LRMDA: variants seen among roughly 807,000 people sequenced by gnomAD.
LRMDA encodes leucine rich melanocyte differentiation associated.
Under a neutral mutation model 29.8 loss-of-function variants are expected in LRMDA, and 18 were observed. That is an observed-to-expected ratio of 0.60 (90% CI 0.42 to 0.90). The LOEUF (loss-of-function observed/expected upper bound fraction) is 0.90, where lower values mean the gene tolerates loss of function less well. Ranked by LOEUF, LRMDA falls within the 40% of genes least tolerant of loss-of-function variation. The pLI is 0.00. For missense variants in LRMDA, 273 were observed against 273.9 expected, an observed-to-expected ratio of 1.00 and a Z score of 0.02; for synonymous variants, 125 against 109.4, an observed-to-expected ratio of 1.14 and a Z score of -0.89.
At chr10:75,500,291 T>C (rs1331157342) in intron 2 of LRMDA, among the ~76,000 whole-genome samples, 1 of 152,152 alleles carries the variant, frequency 6.6e-6, no homozygotes, top group Admixed American at 6.5e-5. Flanking sequence ...ACCACTAAGA[T>C]AAATTGTGGG....
In LRMDA at chr10:75,973,069, G is replaced by A. The variant is rs539875479; in HGVS notation, c.132-62939G>A. On this transcript the variant is annotated intron_variant, in intron 2 of 6. Transcript: ENST00000611255. Reference sequence around the variant, plus strand: ...AGCAGCAGCAGCAGCAGCAGCAGCAGCAGCTACTCCTGTTTACGTGTTCTT... The same window carrying A: ...AGCAGCAGCAGCAGCAGCAGCAGCAACAGCTACTCCTGTTTACGTGTTCTT... Among the ~76,000 whole-genome samples, 20 of 149,710 alleles carry A rather than the reference G, an allele frequency of 1.3e-4. No individual in the cohort carries two copies. In the East Asian group the frequency reaches 3.8e-3, roughly 28 times the overall value.
chr10:75,648,210 C>A (rs1841552607), intron 2 of LRMDA, among the ~76,000 whole-genome samples: 1 of 152,140 alleles, frequency 6.6e-6, no homozygotes, highest in Non-Finnish European at 1.5e-5. Flanking sequence ...ATGAGGATAA[C>A]AAGGCTGAAT....
At chr10:75,547,614 A>G (rs1367486962) in intron 2 of LRMDA, among the ~76,000 whole-genome samples, 1 of 152,188 alleles carries the variant, frequency 6.6e-6, no homozygotes, top group East Asian at 1.9e-4. Context: ...TTACTGCCCC[A>G]TCTGAGTTTC....
chr10:75,470,069 C>T (rs1420194596), intron 2 of LRMDA, among the ~76,000 whole-genome samples: 1 of 152,240 alleles, frequency 6.6e-6, no homozygotes, highest in East Asian at 1.9e-4. Context: ...CAAGACTCTA[C>T]TACCTTCCTG....
At chr10:75,532,735 A>G (rs1284313502) in intron 2 of LRMDA, among the ~76,000 whole-genome samples, 1 of 152,140 alleles carries the variant, frequency 6.6e-6, no homozygotes, top group Non-Finnish European at 1.5e-5. Context: ...TGCATCACTC[A>G]GATCCACTTT....
intron 5 of LRMDA, among the ~76,000 whole-genome samples, chr10:76,279,268 G>C (rs1337428798): frequency 6.6e-6 from 1 of 152,118 alleles, no homozygotes; most frequent in African/African-American, 2.4e-5. Context: ...CTGTGATTTG[G>C]AGATAATAAG....
chr10:76,179,260 A>G (rs1421894693), intron 5 of LRMDA, among the ~76,000 whole-genome samples: 1 of 152,104 alleles, frequency 6.6e-6, no homozygotes, highest in Non-Finnish European at 1.5e-5. Flanking sequence ...GGAGGAGTAG[A>G]GGACATTTCC....
chr10:76,367,252 G>A (rs1046511540), intron 6 of LRMDA, among the ~76,000 whole-genome samples: 3 of 152,086 alleles, frequency 2.0e-5, no homozygotes, highest in Non-Finnish European at 2.9e-5. Flanking sequence ...TGGTATTAGG[G>A]TGATGCTGGA....
At chr10:76,269,880 A>G (rs1840046798) in intron 5 of LRMDA, among the ~76,000 whole-genome samples, 1 of 152,178 alleles carries the variant, frequency 6.6e-6, no homozygotes, top group Non-Finnish European at 1.5e-5. Context: ...CTAGGACTAG[A>G]TGTTGTATTG....
At chr10:75,919,098 C>T (rs1341203301) in intron 2 of LRMDA, among the ~76,000 whole-genome samples, 1 of 152,150 alleles carries the variant, frequency 6.6e-6, no homozygotes, top group African/African-American at 2.4e-5. Context: ...CTATTTTAGA[C>T]AGGAGGACCT....
intron 6 of LRMDA, among the ~76,000 whole-genome samples, chr10:76,406,741 T>C (rs1356113918): frequency 1.3e-5 from 2 of 152,118 alleles, no homozygotes; most frequent in African/African-American, 2.4e-5. Flanking sequence ...AAAGGAGGCA[T>C]ACATGGTGAA....
chr10:75,681,385 T>C (rs932030854), intron 2 of LRMDA, among the ~76,000 whole-genome samples: 7 of 152,244 alleles, frequency 4.6e-5, no homozygotes, highest in Non-Finnish European at 8.8e-5. Flanking sequence ...TCCACAATAA[T>C]GCTACATAAG....
intron 6 of LRMDA, among the ~76,000 whole-genome samples, chr10:76,356,482 A>G (rs1008275587): frequency 6.6e-6 from 1 of 152,190 alleles, no homozygotes; most frequent in Non-Finnish European, 1.5e-5. Context: ...GTTATCAAAT[A>G]AAAAATGGAA....
intron 2 of LRMDA, among the ~76,000 whole-genome samples, chr10:75,494,145 G>A (rs560717466): frequency 5.9e-5 from 9 of 152,230 alleles, no homozygotes; most frequent in Non-Finnish European, 1.2e-4. Context: ...AAGTGGGGCT[G>A]CTGAGGCCTA....
chr10:75,509,179 C>T (rs549819978), intron 2 of LRMDA, among the ~76,000 whole-genome samples: 53 of 152,194 alleles, frequency 3.5e-4, no homozygotes, highest in Middle Eastern at 3.4e-3. Context: ...CATGGGCCAC[C>T]GTTGCTGGCT....
At chr10:76,077,919 A>C (rs1013744437) in intron 5 of LRMDA, among the ~76,000 whole-genome samples, 6 of 147,486 alleles carry the variant, frequency 4.1e-5, no homozygotes, top group Non-Finnish European at 7.4e-5. Context: ...TTCTCAGGCC[A>C]TGCCCTCTGG....
chr10:76,122,005 GAT>G (rs747944065), intron 5 of LRMDA, among the ~76,000 whole-genome samples: 11 of 152,160 alleles, frequency 7.2e-5, no homozygotes, highest in Non-Finnish European at 1.0e-4. Flanking sequence ...AAGAGAGACA[GAT>G]AATAAGTAGA....
At chr10:76,013,081 C>T (rs1269333949) in intron 2 of LRMDA, among the ~76,000 whole-genome samples, 1 of 152,080 alleles carries the variant, frequency 6.6e-6, no homozygotes, top group Non-Finnish European at 1.5e-5. Context: ...TACTAATTAC[C>T]TCAGCAGAAA....
At chr10:76,315,111 A>C (rs78930125) in intron 5 of LRMDA, among the ~76,000 whole-genome samples, 267 of 152,346 alleles carry the variant, frequency 1.8e-3, no homozygotes, top group Non-Finnish European at 2.8e-3. Flanking sequence ...TCCACATACT[A>C]GCTGGGTTTT....
Sources: gnomAD v4.1 joint callset for allele counts (sites outside exome capture counted in the v4.1 genomes callset) on GRCh38, gnomAD v4.1.1 for gene constraint, MANE v1.5 for transcripts, NCBI Gene and HGNC (gene_info 2026-07-23, HGNC 2026-07-21) for gene names.